Variants in TMEM39A observed in about 807,000 individuals in gnomAD.
TMEM39A encodes transmembrane protein 39A.
TMEM39A carries 19 observed loss-of-function variants against 51.9 expected under a neutral mutation model. That is an observed-to-expected ratio of 0.37 (90% CI 0.26 to 0.54). The LOEUF (loss-of-function observed/expected upper bound fraction) is 0.54. Among genes scored for constraint, TMEM39A ranks in the 20% least tolerant of loss-of-function variants. The pLI, the probability that TMEM39A is intolerant of heterozygous loss-of-function variation, is 0.88. For missense variants in TMEM39A, 433 were observed against 590.5 expected (o/e 0.73, Z 2.76); for synonymous variants, 197 against 220.2 (o/e 0.89, Z 0.93).
intron 4 of TMEM39A, among the ~76,000 whole-genome samples, chr3:119,449,754 TAA>T (rs1291045387): frequency 6.6e-6 from 1 of 152,212 alleles, no homozygotes; most frequent in Non-Finnish European, 1.5e-5. Flanking sequence ...AAACAATTTT[TAA>T]AAAGAGAGTT....
At chr3:119,461,448 C>G (rs2081335816) in intron 2 of TMEM39A, among the ~76,000 whole-genome samples, 2 of 152,292 alleles carry the variant, frequency 1.3e-5, no homozygotes, top group South Asian at 2.1e-4. Context: ...AATTAGCTGG[C>G]AGAAAATATC....
intron 7 of TMEM39A, chr3:119,435,415 C>T (rs891723023): frequency 4.1e-6 from 4 of 982,608 alleles, no homozygotes; most frequent in Non-Finnish European, 4.8e-6. Flanking sequence ...TACAGTAGAA[C>T]ACAGCGATAC....
In TMEM39A at chr3:119,429,200, AAATT is replaced by A. The variant is rs991492983; in HGVS notation, c.*2777_*2780del. On this transcript the variant is annotated 3_prime_UTR_variant, in exon 9 of 9. Transcript: ENST00000319172. ...CCTGGCTAGCTTAATAGAAATAAAA[AAATT>A]AATTAAAAAAAAGAGAGAGAAACGG... 2.6e-5 allele frequency among the ~76,000 whole-genome samples: 4 copies of A among 152,184 alleles called. No homozygotes were observed. In the East Asian group the frequency reaches 5.8e-4, roughly 22 times the overall value.
intron 2 of TMEM39A, 117 bp from the exon 3 acceptor site, chr3:119,458,357 T>C: frequency 1.2e-6 from 1 of 802,142 alleles, no homozygotes; most frequent in Non-Finnish European, 2.0e-6. Context: ...CCCACAAGAC[T>C]CCATCCTGGG....
At position 119,461,878 on chromosome 3, in the gene TMEM39A, A is replaced by G. The variant is rs185663850; in HGVS notation, c.113+84T>C. ...GTCAAGAATAAATCTCAATAAGCAAATATCTGAATGACATGATGACTTTTA... is the reference window on the plus strand; with the variant it reads ...GTCAAGAATAAATCTCAATAAGCAAGTATCTGAATGACATGATGACTTTTA... On this transcript the variant is annotated intron_variant, in intron 2 of 8. Transcript: ENST00000319172. 18 of 1,085,598 alleles carry G rather than the reference A, an allele frequency of 1.7e-5. No homozygotes were observed. In the East Asian group the frequency reaches 4.8e-4, roughly 29 times the overall value. 67.2% of individuals were successfully genotyped at this position (1,085,598 alleles called of 1,614,324 possible). A position where few individuals can be genotyped will look rare whatever the true frequency, so the allele number is the denominator to read the frequency against.
At chr3:119,450,160 A>C (rs1457058529) in intron 4 of TMEM39A, among the ~76,000 whole-genome samples, 1 of 152,238 alleles carries the variant, frequency 6.6e-6, no homozygotes, top group Non-Finnish European at 1.5e-5. Flanking sequence ...CTCAAAACAC[A>C]AAACATGTAA....
intron 2 of TMEM39A, among the ~76,000 whole-genome samples, 186 bp downstream of exon 2, chr3:119,461,773 GCCC>G (rs1429627072): frequency 6.6e-6 from 1 of 152,112 alleles, no homozygotes. Flanking sequence ...CACTTTGTGG[GCCC>G]CATTTCACAT....
chr3:119,436,665 T>C (rs902915841), intron 7 of TMEM39A, 126 bp downstream of exon 7: 2 of 994,410 alleles, frequency 2.0e-6, no homozygotes, highest in Non-Finnish European at 3.0e-6. Flanking sequence ...ATGACAAGCA[T>C]CCATGTAAGA....
intron 7 of TMEM39A, chr3:119,435,577 T>TTA (rs1317034079): frequency 9.5e-5 from 76 of 802,024 alleles, no homozygotes; most frequent in East Asian, 1.3e-4. Context: ...TTAAGCTTTT[T>TTA]AAAAAAAAAA....
Position 119,432,201 on chromosome 3 carries a change from C to A in TMEM39A, c.1247G>T (p.Arg416Leu). 1.2e-6 allele frequency: 2 copies of A among 1,605,408 alleles called. No individual in the cohort carries two copies. The highest frequency in any genetic ancestry group is 1.1e-5 in the South Asian group (1 of 89,942). The change falls in exon 9 of 9, where the codon CGA becomes CTA. Residue 416 changes from arginine (R) to leucine (L), a missense_variant. This residue lies in a region of TMEM39A where 223 missense variants were observed against 328.1 expected (regional missense o/e 0.68). Transcript: ENST00000319172. ...GAGCAGATTTAACAGCCTTAATGGT[C>A]GATGAAATAAGAACTGTAAGGAAGT... The part of the protein sequence containing the change: ...SHARFYFLFH[R>L]PLRLLNLLIL...
chr3:119,446,314 C>T (rs146910717), intron 5 of TMEM39A, among the ~76,000 whole-genome samples: 17 of 152,276 alleles, frequency 1.1e-4, no homozygotes, highest in Middle Eastern at 3.4e-3. Flanking sequence ...ATAAAGGTCA[C>T]GTGAACACAA....
chr3:119,439,739 C>T (rs1028718050), intron 5 of TMEM39A, among the ~76,000 whole-genome samples: 1 of 151,652 alleles, frequency 6.6e-6, no homozygotes, highest in African/African-American at 2.4e-5. Flanking sequence ...CTTGGGAGGA[C>T]AAGAGTGGGT....
intron 2 of TMEM39A, among the ~76,000 whole-genome samples, chr3:119,459,635 C>G (rs114206669): frequency 3.3e-4 from 51 of 152,288 alleles, no homozygotes; most frequent in African/African-American, 1.1e-3. Context: ...GAACAAATCC[C>G]TGCTCCCCAA....
rs1197354352 is a variant in TMEM39A at position 119,432,192 on chromosome 3, C to G, written c.1256G>C (p.Arg419Thr). The change falls in exon 9 of 9, where the codon AGG (arginine) becomes ACG (threonine). Residue 419 changes from arginine to threonine, a missense_variant. This residue lies in a region of TMEM39A where 223 missense variants were observed against 328.1 expected (regional missense o/e 0.68). Coordinates refer to ENST00000319172, the MANE Select transcript of TMEM39A (RefSeq NM_018266.3). ...RFYFLFHRPLRLLNLLILIEG... is the reference protein window; with the variant it reads ...RFYFLFHRPLTLLNLLILIEG... ...AATAAGGATGAGCAGATTTAACAGC[C>G]TTAATGGTCGATGAAATAAGAACTG... The G allele has an allele frequency of 1.2e-6, 2 of 1,610,938 alleles. No homozygotes were observed. Among genetic ancestry groups the G allele is most frequent in the Admixed American group, 3.4e-5 (2 of 59,662 alleles).
rs997205349 is a variant in TMEM39A at position 119,435,904 on chromosome 3, T to G, written c.1112+887A>C. On this transcript the variant is annotated intron_variant, in intron 7 of 8. Transcript: ENST00000319172. The stretch of plus-strand genomic sequence containing the variant: ...TTCTTTTCAGCCTGGCCCAATCTCT[T>G]TCAGTTCCTGGGCTTGAAGGCCTGT... The G allele has an allele frequency of 7.8e-6, 10 of 1,289,582 alleles. No homozygotes were observed. The African/African-American group carries it at 1.1e-4, about 14-fold the overall frequency. The allele number at this position is 1,289,582 out of a possible 1,614,324, so 79.9% of individuals were successfully genotyped here.
chr3:119,437,184 G>A (rs1213097890), intron 6 of TMEM39A, among the ~76,000 whole-genome samples: 1 of 152,154 alleles, frequency 6.6e-6, no homozygotes, highest in Non-Finnish European at 1.5e-5. Flanking sequence ...AGGGATGGGA[G>A]GGAGAGGCAA....
chr3:119,437,969 G>C lies in TMEM39A; in HGVS notation c.710C>G (p.Ser237Cys), dbSNP rs750623927. 11 of 1,614,118 alleles carry C rather than the reference G, an allele frequency of 6.8e-6. No individual in the cohort carries two copies. The highest frequency in any genetic ancestry group is 2.2e-5 in the South Asian group (2 of 91,076). ...CAGCAACAAGGAGAGAAAGTCTTTG[G>C]ATTTGGCCAAGCCTCCCACAGTCGA... ...SASTVGGLAK[S>C]KDFLSLLLES... Residue 237 changes from serine (S) to cysteine (C), a missense_variant, in exon 6 of 9, where the codon TCC becomes TGC. Ser to Cys is a moderately radical substitution (Grantham distance 112). Transcript: ENST00000319172.
chr3:119,434,393 A>C (rs2080940845), intron 8 of TMEM39A, among the ~76,000 whole-genome samples: 1 of 152,206 alleles, frequency 6.6e-6, no homozygotes, highest in Non-Finnish European at 1.5e-5. Context: ...AAATGTCACT[A>C]TGGATACACA....
intron 3 of TMEM39A, among the ~76,000 whole-genome samples, chr3:119,457,009 C>T (rs1188561671): frequency 2.0e-5 from 3 of 148,438 alleles, no homozygotes; most frequent in South Asian, 4.3e-4. Context: ...CTCGCTCTGT[C>T]GCCCAGGCTG....
Sources: allele counts gnomAD v4.1 joint callset (sites outside exome capture counted in the v4.1 genomes callset), GRCh38; gene constraint gnomAD v4.1.1; regional missense constraint gnomAD v4.1.1; transcripts MANE v1.5; gene names NCBI Gene and HGNC (gene_info 2026-07-23, HGNC 2026-07-21).